Variants in AKAP6 observed in about 807,000 individuals in gnomAD.
AKAP6 encodes A-kinase anchor protein 6.
A neutral mutation model predicts 188.5 loss-of-function variants in AKAP6; 58 were observed. That is an observed-to-expected ratio of 0.31 (90% CI 0.25 to 0.38). The LOEUF is 0.38. Ranked by LOEUF, AKAP6 falls within the 10% of genes least tolerant of loss-of-function variation. The pLI is 1.00. For missense variants in AKAP6, 2,710 were observed against 2,740.0 expected, an observed-to-expected ratio of 0.99 and a Z score of 0.24; for synonymous variants, 989 against 998.6, an observed-to-expected ratio of 0.99 and a Z score of 0.18.
chr14:32,509,631 A>C (rs1594691053), intron 2 of AKAP6, among the ~76,000 whole-genome samples: 1 of 151,954 alleles, frequency 6.6e-6, no homozygotes, highest in Admixed American at 6.6e-5. Context: ...GAGTGGGTGC[A>C]CTCTTTTAAA....
At chr14:32,630,052 C>T (rs1449488204) in intron 7 of AKAP6, among the ~76,000 whole-genome samples, 2 of 152,120 alleles carry the variant, frequency 1.3e-5, no homozygotes, top group African/African-American at 2.4e-5. Flanking sequence ...TGTGTGGGAT[C>T]TGGAAATGTA....
intron 4 of AKAP6, among the ~76,000 whole-genome samples, chr14:32,567,480 C>T (rs987375276): frequency 2.0e-4 from 30 of 152,012 alleles, no homozygotes; most frequent in African/African-American, 2.4e-4. Context: ...GAAAGTTGGC[C>T]GTAGCATTTT....
intron 2 of AKAP6, among the ~76,000 whole-genome samples, chr14:32,502,315 G>C (rs1191425757): frequency 1.3e-5 from 2 of 152,108 alleles, no homozygotes; most frequent in Admixed American, 1.3e-4. Context: ...TGGTGGTAAA[G>C]AGTGACTGCT....
At chr14:32,767,937 C>T (rs866894317) in intron 11 of AKAP6, among the ~76,000 whole-genome samples, 19 of 152,286 alleles carry the variant, frequency 1.2e-4, no homozygotes, top group African/African-American at 4.1e-4. Context: ...AAAACCTTTG[C>T]CTCGTATTTA....
Position 32,683,079 on chromosome 14 carries a change from C to T in AKAP6, c.2879+4620C>T, listed in dbSNP as rs142335957. 2.2e-4 allele frequency among the ~76,000 whole-genome samples: 33 copies of T among 150,664 alleles called. No individual in the cohort carries two copies. In the East Asian group the frequency reaches 3.2e-3, roughly 15 times the overall value. ...CGTGATCTTGGCTCACCGCAACCTC[C>T]GCCTCTTGGGTTCAAGCGATTCTTG... On this transcript the variant is annotated intron_variant, in intron 8 of 13. Coordinates refer to ENST00000280979, the MANE Select transcript of AKAP6 (RefSeq NM_004274.5).
intron 1 of AKAP6, among the ~76,000 whole-genome samples, chr14:32,367,806 G>A (rs1458605761): frequency 6.6e-6 from 1 of 152,078 alleles, no homozygotes; most frequent in Non-Finnish European, 1.5e-5. Context: ...GACTTTCCAA[G>A]CTGCTTAGCT....
intron 13 of AKAP6, among the ~76,000 whole-genome samples, chr14:32,828,691 G>T (rs2034746563): frequency 6.6e-6 from 1 of 152,144 alleles, no homozygotes; most frequent in African/African-American, 2.4e-5. Context: ...GACCAGATTT[G>T]CCTCACCTAG....
intron 9 of AKAP6, among the ~76,000 whole-genome samples, chr14:32,723,437 G>A (rs2030661273): frequency 6.6e-6 from 1 of 152,076 alleles, no homozygotes; most frequent in Non-Finnish European, 1.5e-5. Context: ...ATATTATAAA[G>A]TAGTTGCCTG....
chr14:32,425,528 G>A (rs1177905877), intron 1 of AKAP6, among the ~76,000 whole-genome samples: 1 of 151,882 alleles, frequency 6.6e-6, no homozygotes, highest in Non-Finnish European at 1.5e-5. Context: ...AGGAAGAGGT[G>A]CAGTGAGCTG....
At position 32,761,699 on chromosome 14, in the gene AKAP6, A is replaced by T. The variant is rs141483901; in HGVS notation, c.3373-11979A>T. 8.3e-4 allele frequency among the ~76,000 whole-genome samples: 127 copies of T among 152,164 alleles called. 1 individual carries two copies. Among genetic ancestry groups the T allele is most frequent in the Non-Finnish European group, 1.3e-3 (90 of 67,976 alleles). On this transcript the variant is annotated intron_variant, in intron 11 of 13. Coordinates refer to ENST00000280979, the MANE Select transcript of AKAP6 (RefSeq NM_004274.5). ...TTGCTTTCTTTCTTAATGTTATTTC[A>T]TACCCTTTTGTGGCCTTTTATTATG...
Position 32,482,600 on chromosome 14 carries a change from GT to G in AKAP6, c.324+48787del, listed in dbSNP as rs538477360. Among the ~76,000 whole-genome samples the G allele has an allele frequency of 5.3e-5, 8 of 152,196 alleles. No individual in the cohort carries two copies. The South Asian group carries it at 1.7e-3, about 32-fold the overall frequency. On this transcript the variant is annotated intron_variant, in intron 2 of 13. Transcript: ENST00000280979. ...TTTTATTTACTTACTGTCTTTTCCTGTTTTGTTCTCTGCTGTATTCCAAGGG... is the reference window on the plus strand; with the variant it reads ...TTTTATTTACTTACTGTCTTTTCCTGTTTGTTCTCTGCTGTATTCCAAGGG...
chr14:32,672,512 G>C (rs2139616684), intron 7 of AKAP6, among the ~76,000 whole-genome samples: 1 of 152,230 alleles, frequency 6.6e-6, no homozygotes, highest in East Asian at 1.9e-4. Context: ...GTTCCTCTGT[G>C]CATGCACACT....
chr14:32,757,646 A>G lies in AKAP6; in HGVS notation c.3373-16032A>G, dbSNP rs528100088. 3.9e-5 allele frequency among the ~76,000 whole-genome samples: 6 copies of G among 152,362 alleles called. No homozygotes were observed. The South Asian group carries it at 1.2e-3, about 32-fold the overall frequency. ...TTCAACACCCTTCTCTTCAGCAAAC[A>G]TCTGTGTCAAGTGCTGGGCATGGTG... On this transcript the variant is annotated intron_variant, in intron 11 of 13. Coordinates refer to ENST00000280979, the MANE Select transcript of AKAP6 (RefSeq NM_004274.5).
chr14:32,564,935 G>A (rs370306034), intron 4 of AKAP6, among the ~76,000 whole-genome samples: 18 of 152,236 alleles, frequency 1.2e-4, no homozygotes, highest in Admixed American at 4.6e-4. Context: ...CCTTTTCTCT[G>A]AATTCTGTTT....
At chr14:32,540,156 CTCTCTCTCTCTCTATATA>C (rs1882865802) in intron 3 of AKAP6, among the ~76,000 whole-genome samples, 1 of 116,882 alleles carries the variant, frequency 8.6e-6, no homozygotes, top group Admixed American at 8.8e-5. Context: ...CTCTCTCTCT[CTCTCTCTCTCTCTATATA>C]TATATATATA....
Position 32,672,412 on chromosome 14 carries a change from A to G in AKAP6, c.2731-5899A>G, listed in dbSNP as rs11626116. Among the ~76,000 whole-genome samples the G allele has an allele frequency of 2.2e-3, 331 of 152,306 alleles. No individual in the cohort carries two copies. In the Middle Eastern group the frequency reaches 0.031, roughly 14 times the overall value. On this transcript the variant is annotated intron_variant, in intron 7 of 13. Transcript: ENST00000280979. ...TCACAGTTCTGGAGGCTGGAAGTCC[A>G]AGATTGAGGTGTCTGCAGGTTTGAT...
chr14:32,501,321 A>G (rs1054894337), intron 2 of AKAP6, among the ~76,000 whole-genome samples: 3 of 152,286 alleles, frequency 2.0e-5, no homozygotes, highest in Non-Finnish European at 2.9e-5. Flanking sequence ...AAAACATTTC[A>G]AGTGCTACCA....
intron 7 of AKAP6, among the ~76,000 whole-genome samples, chr14:32,637,004 A>G (rs775149702): frequency 2.6e-5 from 4 of 152,070 alleles, no homozygotes; most frequent in Non-Finnish European, 2.9e-5. Flanking sequence ...CTGACAATAT[A>G]GAGAAGACAG....
chr14:32,599,513 C>T lies in AKAP6; in HGVS notation c.2566+7C>T, dbSNP rs1380255495. 4 of 1,610,494 alleles carry T rather than the reference C, an allele frequency of 2.5e-6. No individual in the cohort carries two copies. The highest frequency in any genetic ancestry group is 3.4e-6 in the Non-Finnish European group (4 of 1,177,692). ...ATTGCATCTCACAAAGCAGGTAAAT[C>T]CTCCTGAAATATTGCAAGTCTTTAC... On this transcript the variant is annotated splice_region_variant and intron_variant, in intron 6 of 13. Transcript: ENST00000280979.
Sources: gnomAD v4.1 joint callset for allele counts (sites outside exome capture counted in the v4.1 genomes callset) on GRCh38, gnomAD v4.1.1 for gene constraint, MANE v1.5 for transcripts, NCBI Gene and HGNC (gene_info 2026-07-23, HGNC 2026-07-21) for gene names.